Variants in DEAF1 observed in about 807,000 individuals in gnomAD.
DEAF1 encodes DEAF1 transcription factor, also known as deformed epidermal autoregulatory factor 1 homolog.
Under a neutral mutation model 58.9 loss-of-function variants are expected in DEAF1, and 53 were observed. The ratio of observed to expected loss-of-function variants is 0.90; its 90% CI spans 0.72 to 1.13. DEAF1 has a LOEUF of 1.13. DEAF1 is among the 50% of genes most tolerant of loss of function. DEAF1 has a pLI of 0.00. For synonymous variants in DEAF1, 385 were observed against 340.4 expected (o/e 1.13, Z -1.44); for missense variants, 685 against 791.4 (o/e 0.87, Z 1.61).
upstream of DEAF1, chr11:697,595 C>G (rs749469159): frequency 6.6e-6 from 1 of 152,152 alleles, no homozygotes; most frequent in African/African-American, 2.4e-5. Flanking sequence ...GAGCAACTAG[C>G]AGACACATTG....
At chr11:697,815 G>A (rs887205919), upstream of DEAF1, 1 of 152,252 alleles carries the variant, frequency 6.6e-6, no homozygotes, top group African/African-American at 2.4e-5. Context: ...CCATCCTGTG[G>A]TGCCTCTTCC....
chr11:671,391 T>C (rs368338028), intron 10 of DEAF1, among the ~76,000 whole-genome samples: 1 of 152,040 alleles, frequency 6.6e-6, no homozygotes. Context: ...CAGCTAATTT[T>C]TATATTTTTT....
At chr11:660,528 G>T (rs922391382) in intron 10 of DEAF1, among the ~76,000 whole-genome samples, 1 of 152,228 alleles carries the variant, frequency 6.6e-6, no homozygotes, top group Non-Finnish European at 1.5e-5. Flanking sequence ...TCCCTCGGGG[G>T]ACTCCAAGCC....
Position 644,477 on chromosome 11 carries a change from AG to A in DEAF1, c.*72del, listed in dbSNP as rs1491452433. On this transcript the variant is annotated 3_prime_UTR_variant, in exon 12 of 12. Transcript: ENST00000382409. This position sits in a 1 kb window ranked among gnomAD's most constrained non-coding sequence, Gnocchi z 4.3. ...TTCTCAACGTCCCCCCAGAGTCCTC[AG>A]GGGGGCCTTCGACCTGCAAAAGCCT... The A allele has an allele frequency of 2.6e-6, 3 of 1,161,746 alleles. No individual in the cohort carries two copies. The highest frequency in any genetic ancestry group is 2.5e-5 in the South Asian group (2 of 78,954). The allele number at this position is 1,161,746 out of a possible 1,614,324, so 72.0% of individuals were successfully genotyped here. A position where few individuals can be genotyped will look rare whatever the true frequency, so the allele number is the denominator to read the frequency against.
intron 6 of DEAF1, among the ~76,000 whole-genome samples, chr11:683,814 G>C (rs1401005361): frequency 6.6e-6 from 1 of 152,048 alleles, no homozygotes; most frequent in Admixed American, 6.6e-5. Flanking sequence ...ATTTTCTTTA[G>C]TATCTTCCAC....
chr11:675,557 T>G (rs1860011814), intron 9 of DEAF1, among the ~76,000 whole-genome samples: 2 of 152,154 alleles, frequency 1.3e-5, no homozygotes, highest in South Asian at 4.1e-4. Flanking sequence ...GCACAGTGGC[T>G]CACACCTGTA....
Position 679,714 on chromosome 11 carries a change from T to G in DEAF1, c.1100A>C (p.Gln367Pro), listed in dbSNP as rs762624710. 5.6e-6 allele frequency: 9 copies of G among 1,613,242 alleles called. No individual in the cohort carries two copies. In the Admixed American group the frequency reaches 1.3e-4, roughly 24 times the overall value. The change falls in exon 8 of 12, where the codon CAG becomes CCG. Residue 367 changes from glutamine to proline, a missense_variant. By Grantham distance (76) the Gln-to-Pro change is moderately conservative. This residue lies in a region of DEAF1 where 343 missense variants were observed against 379.8 expected (regional missense o/e 0.90). Transcript: ENST00000382409. ...TGTGGCCCCTGCGAAGACGTCGCCC[T>G]GGGCCGGACTCTCTGATATGACAGC... The part of the protein sequence containing the change: ...ATAVISESPA[Q>P]GDVFAGATVQ...
chr11:662,811 C>T (rs12276691), intron 10 of DEAF1, among the ~76,000 whole-genome samples: 4,220 of 152,278 alleles, frequency 0.028, 175 homozygotes, highest in African/African-American at 0.095. Flanking sequence ...GCTGCATGCA[C>T]ACAGCACTGG....
At chr11:706,474 C>T (rs1382259713) in intron 1 of DEAF1, 1 of 152,310 alleles carries the variant, frequency 6.6e-6, no homozygotes, top group African/African-American at 2.4e-5. Flanking sequence ...GTCCCCACCT[C>T]TCCTGGACGG....
At position 695,016 on chromosome 11, in the gene DEAF1, A is replaced by G. The variant is rs1440593971; in HGVS notation, c.32T>C (p.Leu11Pro). Residue 11 changes from leucine to proline, a missense_variant, in exon 1 of 12, where the codon CTG becomes CCG. Physicochemically the swap from Leu to Pro is moderately conservative, Grantham distance 98. Coordinates refer to ENST00000382409, the MANE Select transcript of DEAF1 (RefSeq NM_021008.4). ...CACCGCCGCCGCCTCAGCCAGGCCC[A>G]GCTGCTTTGCCGCCGAGTCCGAGTC... MEDSDSAAKQLGLAEAAAVAA... is the reference protein window; with the variant it reads MEDSDSAAKQPGLAEAAAVAA... The G allele has an allele frequency of 7.5e-7, 1 of 1,331,780 alleles. No individual in the cohort carries two copies. The highest frequency in any genetic ancestry group is 9.7e-7 in the Non-Finnish European group (1 of 1,033,700). The allele number at this position is 1,331,780 out of a possible 1,614,324, so 82.5% of individuals were successfully genotyped here.
At position 694,985 on chromosome 11, in the gene DEAF1, G is replaced by GGCC. The variant is rs944520391; in HGVS notation, c.60_62dup (p.Ala24dup). 17 of 1,144,868 alleles carry GGCC rather than the reference G, an allele frequency of 1.5e-5. 1 individual carries two copies. Among genetic ancestry groups the GGCC allele is most frequent in the Middle Eastern group, 3.7e-4 (1 of 2,736 alleles). 70.9% of individuals were successfully genotyped at this position (1,144,868 alleles called of 1,614,324 possible). On this transcript the variant is annotated inframe_insertion, in exon 1 of 12. Coordinates refer to ENST00000382409, the MANE Select transcript of DEAF1 (RefSeq NM_021008.4). Reference sequence around the variant, plus strand: ...CGGCCGCCGCCGCCACAGCGGCCGCGGCCGCCACCGCCGCCGCCTCAGCCA... The same window carrying GGCC: ...CGGCCGCCGCCGCCACAGCGGCCGCGGCCGCCGCCACCGCCGCCGCCTCAGCCA...
chr11:644,561 C>G lies in DEAF1; in HGVS notation c.1687G>C (p.Val563Leu). 6.2e-7 allele frequency: 1 copy of G among 1,612,866 alleles called. No homozygotes were observed. The highest frequency in any genetic ancestry group is 8.5e-7 in the Non-Finnish European group (1 of 1,179,922). The change falls in exon 12 of 12, where the codon GTG becomes CTG. Residue 563 changes from valine to leucine, a missense_variant. Transcript: ENST00000382409. The surrounding 1 kb of genome is among the most constrained non-coding windows in gnomAD (Gnocchi z 4.3). ...CGGCCGATGGAGCCTCACACGGTCA[C>G]CTTCTCCATCACGCTTTCAGCCACG... ...VHVAESVMEK[V>L]TV
chr11:687,105 C>A (rs1204193424), intron 4 of DEAF1, 108 bp from the exon 5 acceptor site: 4 of 1,528,750 alleles, frequency 2.6e-6, no homozygotes, highest in Non-Finnish European at 3.6e-6. Flanking sequence ...AGCGCCCCAG[C>A]GGCTCATGTG....
At chr11:671,490 G>A (rs1360082856) in intron 10 of DEAF1, among the ~76,000 whole-genome samples, 2 of 151,590 alleles carry the variant, frequency 1.3e-5, no homozygotes, top group African/African-American at 2.4e-5. Flanking sequence ...TCAAAGCACT[G>A]AGATTACAAG....
chr11:658,157 G>A (rs962069452), intron 10 of DEAF1, among the ~76,000 whole-genome samples: 7 of 152,170 alleles, frequency 4.6e-5, no homozygotes, highest in African/African-American at 7.2e-5. Flanking sequence ...AGCCGGGCAC[G>A]GTGGCTCACG....
At chr11:674,904 G>A in intron 9 of DEAF1, 121 bp from the exon 10 acceptor site, 1 of 1,355,032 alleles carries the variant, frequency 7.4e-7, no homozygotes, top group Non-Finnish European at 1.0e-6. Flanking sequence ...CAGCACTTTG[G>A]GAGGCCAAGG....
chr11:675,760 T>G (rs1454356040), intron 9 of DEAF1, among the ~76,000 whole-genome samples: 2 of 151,982 alleles, frequency 1.3e-5, no homozygotes, highest in Non-Finnish European at 2.9e-5. Flanking sequence ...GCAGAAGTTG[T>G]GGTGAGCCGA....
At chr11:667,428 GAGGAA>G (rs1859597791) in intron 10 of DEAF1, among the ~76,000 whole-genome samples, 1 of 148,480 alleles carries the variant, frequency 6.7e-6, no homozygotes, top group South Asian at 2.1e-4. Context: ...AGGAGGAAAA[GAGGAA>G]AGGAAGGAAG....
At chr11:704,994 T>A in intron 1 of DEAF1, 1 of 254,114 alleles carries the variant, frequency 3.9e-6, no homozygotes, top group Non-Finnish European at 7.8e-6. Flanking sequence ...TCACGGCAGG[T>A]TCCTGGAGAT....
Sources: gnomAD v4.1 joint callset for allele counts (sites outside exome capture counted in the v4.1 genomes callset) on GRCh38, gnomAD v4.1.1 for gene constraint, gnomAD v4.1.1 regional missense constraint, Gnocchi (gnomAD v3.1) non-coding constraint, MANE v1.5 for transcripts, NCBI Gene and HGNC (gene_info 2026-07-23, HGNC 2026-07-21) for gene names.